Variants in TENT2 observed in about 807,000 individuals in gnomAD.
TENT2 encodes the protein poly(A) RNA polymerase GLD2.
TENT2 carries 44 observed loss-of-function variants against 72.2 expected under a neutral mutation model. The ratio of observed to expected loss-of-function variants is 0.61; its 90% CI spans 0.48 to 0.78. TENT2 has a LOEUF of 0.78. TENT2 is among the 30% of genes least tolerant of loss of function. TENT2 has a pLI of 0.00. For missense variants in TENT2, 541 were observed against 569.6 expected (o/e 0.95, Z 0.51); for synonymous variants, 212 against 192.5 (o/e 1.10, Z -0.84).
chr5:79,676,520 G>T (rs958579430), intron 12 of TENT2, among the ~76,000 whole-genome samples: 2 of 152,154 alleles, frequency 1.3e-5, no homozygotes, highest in Non-Finnish European at 1.5e-5. Flanking sequence ...GGGAGGCACG[G>T]AGGTTGCAGT....
At chr5:79,628,915 G>A (rs1047010647) in intron 4 of TENT2, among the ~76,000 whole-genome samples, 1 of 152,218 alleles carries the variant, frequency 6.6e-6, no homozygotes, top group Admixed American at 6.5e-5. Flanking sequence ...ACGGCTAGAT[G>A]CTGCTGCAGG....
At chr5:79,675,307 A>G (rs1816362973) in intron 12 of TENT2, among the ~76,000 whole-genome samples, 1 of 152,194 alleles carries the variant, frequency 6.6e-6, no homozygotes, top group South Asian at 2.1e-4. Context: ...AGTAGAATAT[A>G]TGGACACAGG....
At chr5:79,684,927 A>C (rs935961476) in intron 14 of TENT2, among the ~76,000 whole-genome samples, 2 of 152,198 alleles carry the variant, frequency 1.3e-5, no homozygotes, top group Non-Finnish European at 2.9e-5. Context: ...GCGTGATGGC[A>C]TACGCCTGTA....
rs1419014180 is a variant in TENT2, at chr5:79,648,870, CATTT to C, written c.898+178_898+181del. On this transcript the variant is annotated intron_variant, in intron 9 of 14. Transcript: ENST00000453514. ...TGTCAGTTATAGGTGAATCAAGTGG[CATTT>C]TAATAATTGATAATTTTTAAAAGGT... 3.7e-6 allele frequency: 3 copies of C among 816,522 alleles called. No homozygotes were observed. In the East Asian group the frequency reaches 8.0e-5, roughly 22 times the overall value. The allele number at this position is 816,522 out of a possible 1,614,324, so 50.6% of individuals were successfully genotyped here.
chr5:79,655,702 T>G (rs1392031394), intron 10 of TENT2, among the ~76,000 whole-genome samples: 1 of 151,804 alleles, frequency 6.6e-6, no homozygotes, highest in Non-Finnish European at 1.5e-5. Flanking sequence ...AAGGAATATA[T>G]ATATCCTTAC....
intron 10 of TENT2, among the ~76,000 whole-genome samples, chr5:79,652,258 A>T (rs1046582744): frequency 9.2e-5 from 14 of 152,072 alleles, no homozygotes; most frequent in Non-Finnish European, 1.3e-4. Flanking sequence ...ATTAATTACG[A>T]TATACCCTAA....
intron 11 of TENT2, among the ~76,000 whole-genome samples, chr5:79,659,561 T>TATATATAC (rs1800911123): frequency 1.9e-5 from 1 of 53,174 alleles, no homozygotes; most frequent in African/African-American, 1.6e-4. Context: ...AAAATGTATA[T>TATATATAC]ATATATATAT....
chr5:79,637,944 C>A (rs757434688), intron 4 of TENT2, among the ~76,000 whole-genome samples: 2 of 151,844 alleles, frequency 1.3e-5, no homozygotes, highest in Admixed American at 6.6e-5. Context: ...ACTACAGGCA[C>A]GTGCCACTGT....
intron 4 of TENT2, among the ~76,000 whole-genome samples, chr5:79,634,853 A>AT (rs1234067221): frequency 2.0e-3 from 287 of 142,966 alleles, no homozygotes; most frequent in African/African-American, 4.3e-3. Flanking sequence ...TGTTGGAGGG[A>AT]TTTTTTTTTT....
intron 4 of TENT2, among the ~76,000 whole-genome samples, chr5:79,632,982 C>T (rs572927680): frequency 1.3e-4 from 20 of 152,276 alleles, no homozygotes; most frequent in African/African-American, 4.8e-4. Context: ...ACTGCCTTCT[C>T]AACCCACCAG....
intron 11 of TENT2, among the ~76,000 whole-genome samples, chr5:79,661,323 G>A (rs1424362722): frequency 1.3e-5 from 2 of 152,116 alleles, no homozygotes; most frequent in African/African-American, 2.4e-5. Context: ...CTCATGGTAA[G>A]GGTATACTGT....
intron 5 of TENT2, 48 bp from the exon 6 acceptor site, chr5:79,641,057 C>T: frequency 2.0e-6 from 3 of 1,503,554 alleles, no homozygotes. Flanking sequence ...GAACCATGCA[C>T]CTACTTTAGA....
intron 1 of TENT2, among the ~76,000 whole-genome samples, chr5:79,615,659 A>C (rs1759117763): frequency 6.6e-6 from 1 of 152,070 alleles, no homozygotes; most frequent in African/African-American, 2.4e-5. Context: ...AAAGGGTGAA[A>C]AGTGTTCGTT....
At position 79,682,656 on chromosome 5, in the gene TENT2, C is replaced by T. The variant is rs536654646; in HGVS notation, c.1380+595C>T. On this transcript the variant is annotated intron_variant, in intron 14 of 14. Transcript: ENST00000453514. ...GAATAAAACCTAATGGACTCTTTTC[C>T]TTCCTTAGTGTATTGGGGAATTTAT... Among the ~76,000 whole-genome samples the T allele has an allele frequency of 3.5e-3, 530 of 152,158 alleles. 6 individuals are homozygous for T. The highest frequency in any genetic ancestry group is 6.4e-3 in the Non-Finnish European group (434 of 68,000).
Position 79,650,174 on chromosome 5 carries a change from A to C in TENT2, c.1027+984A>C, listed in dbSNP as rs1792632426. 2.6e-5 allele frequency among the ~76,000 whole-genome samples: 4 copies of C among 152,126 alleles called. No individual in the cohort carries two copies. In the South Asian group the frequency reaches 6.2e-4, roughly 24 times the overall value. On this transcript the variant is annotated intron_variant, in intron 10 of 14. Coordinates refer to ENST00000453514, the MANE Select transcript of TENT2 (RefSeq NM_001114394.3). The stretch of plus-strand genomic sequence containing the variant: ...AGTCTTGGTTTCCAAAGATTACAAT[A>C]ATAGGAGAAAACATATTTTAGCATA...
At chr5:79,662,482 A>G (rs1281876313) in intron 11 of TENT2, among the ~76,000 whole-genome samples, 1 of 152,168 alleles carries the variant, frequency 6.6e-6, no homozygotes, top group Non-Finnish European at 1.5e-5. Flanking sequence ...GTATGTCTTA[A>G]ATAATAATAC....
Position 79,619,619 on chromosome 5 carries a change from A to C in TENT2, c.-30A>C, listed in dbSNP as rs1260860014. 1.2e-6 allele frequency: 2 copies of C among 1,605,432 alleles called. No homozygotes were observed. The highest frequency in any genetic ancestry group is 1.7e-6 in the Non-Finnish European group (2 of 1,175,344). On this transcript the variant is annotated 5_prime_UTR_variant, in exon 2 of 15. Transcript: ENST00000453514. ...CTTTTTAAATTATCCTAGGTAGAAGAATACATGTTCACTTCCAGTGAACAA... is the reference window on the plus strand; with the variant it reads ...CTTTTTAAATTATCCTAGGTAGAAGCATACATGTTCACTTCCAGTGAACAA...
chr5:79,641,375 A>G (rs907352189), intron 6 of TENT2, among the ~76,000 whole-genome samples, 179 bp downstream of exon 6: 7 of 151,580 alleles, frequency 4.6e-5, no homozygotes, highest in African/African-American at 1.2e-4. Flanking sequence ...CACAATAAGC[A>G]TAATAGGAAG....
intron 10 of TENT2, among the ~76,000 whole-genome samples, chr5:79,652,142 G>A (rs2150201568): frequency 6.6e-6 from 1 of 152,054 alleles, no homozygotes; most frequent in East Asian, 1.9e-4. Context: ...GTAATAATGA[G>A]TGGTACATAT....
Sources: gnomAD v4.1 joint callset for allele counts (sites outside exome capture counted in the v4.1 genomes callset) on GRCh38, gnomAD v4.1.1 for gene constraint, MANE v1.5 for transcripts, NCBI Gene and HGNC (gene_info 2026-07-23, HGNC 2026-07-21) for gene names.